FOXO3: variants seen among roughly 807,000 people sequenced by gnomAD.
FOXO3 encodes the protein forkhead box O3, also known as forkhead box protein O3.
FOXO3 carries 4 observed loss-of-function variants against 41.9 expected under a neutral mutation model. That is an observed-to-expected ratio of 0.10 (90% CI 0.05 to 0.22). FOXO3 has a LOEUF of 0.22. Among genes scored for constraint, FOXO3 ranks in the 10% least tolerant of loss-of-function variants. The pLI is 1.00. For synonymous variants in FOXO3, 318 were observed against 389.3 expected (o/e 0.82, Z 2.16); for missense variants, 534 against 906.8 (o/e 0.59, Z 5.28).
intron 2 of FOXO3, among the ~76,000 whole-genome samples, chr6:108,678,436 T>A (rs1315054802): frequency 6.6e-6 from 1 of 152,112 alleles, no homozygotes; most frequent in East Asian, 1.9e-4. Context: ...AAGAATCTTA[T>A]GTCTGGAGGT....
At chr6:108,624,377 A>C (rs1274811151) in intron 1 of FOXO3, among the ~76,000 whole-genome samples, 1 of 152,106 alleles carries the variant, frequency 6.6e-6, no homozygotes, top group East Asian at 1.9e-4. Flanking sequence ...AATCCAAGGA[A>C]GTCCAAAGAG....
In FOXO3 at chr6:108,560,944, C is replaced by G; in HGVS notation, c.-265C>G. On this transcript the variant is annotated 5_prime_UTR_variant, in exon 1 of 3. Coordinates refer to ENST00000406360, the MANE Select transcript of FOXO3 (RefSeq NM_001455.4). ...TGTCTGCTGCGCCAGGTTCGCTGGCCGCACGTCTTCAGGTCCTCCTGTTCC... is the reference window on the plus strand; with the variant it reads ...TGTCTGCTGCGCCAGGTTCGCTGGCGGCACGTCTTCAGGTCCTCCTGTTCC... The G allele has an allele frequency of 7.7e-7, 1 of 1,300,250 alleles. No individual in the cohort carries two copies. Among genetic ancestry groups the G allele is most frequent in the South Asian group, 2.3e-5 (1 of 43,670 alleles). The allele number at this position is 1,300,250 out of a possible 1,614,324, so 80.5% of individuals were successfully genotyped here. A position where few individuals can be genotyped will look rare whatever the true frequency, so the allele number is the denominator to read the frequency against.
chr6:108,560,858 G>T, upstream of FOXO3: 2 of 750,944 alleles, frequency 2.7e-6, no homozygotes, highest in Non-Finnish European at 3.7e-6. Flanking sequence ...GGGGGAGGGG[G>T]CTGCCCCGCG....
At chr6:108,617,316 A>G (rs1777541967) in intron 1 of FOXO3, among the ~76,000 whole-genome samples, 2 of 152,014 alleles carry the variant, frequency 1.3e-5, no homozygotes, top group Admixed American at 6.5e-5. Context: ...TTTCATTTTT[A>G]TGGGTCATAT....
chr6:108,644,278 C>G (rs536628079), intron 1 of FOXO3, among the ~76,000 whole-genome samples: 51 of 152,330 alleles, frequency 3.3e-4, no homozygotes, highest in African/African-American at 1.0e-3. Context: ...GTTGTGAAGA[C>G]TTACAGAGAT....
chr6:108,660,687 A>G (rs532327767), intron 1 of FOXO3, among the ~76,000 whole-genome samples: 1 of 152,210 alleles, frequency 6.6e-6, no homozygotes, highest in South Asian at 2.1e-4. Flanking sequence ...CCTGGCCAAC[A>G]TAGTGAAACC....
intron 2 of FOXO3, among the ~76,000 whole-genome samples, chr6:108,677,298 C>T (rs1229968986): frequency 1.3e-5 from 2 of 152,200 alleles, no homozygotes; most frequent in African/African-American, 4.8e-5. Flanking sequence ...GATATTAAGC[C>T]TGGGGACTGT....
chr6:108,636,055 GC>G (rs1421937450), intron 1 of FOXO3, among the ~76,000 whole-genome samples: 10 of 152,264 alleles, frequency 6.6e-5, no homozygotes, highest in Non-Finnish European at 1.2e-4. Flanking sequence ...AGCTAGGGAA[GC>G]AAGCCCTCCA....
chr6:108,645,376 T>G (rs1264731068), intron 1 of FOXO3, among the ~76,000 whole-genome samples: 1 of 152,110 alleles, frequency 6.6e-6, no homozygotes, highest in East Asian at 1.9e-4. Flanking sequence ...TAATTCCCAG[T>G]AAATGGTAAG....
chr6:108,626,293 G>C (rs747378590), intron 1 of FOXO3, among the ~76,000 whole-genome samples: 1 of 152,170 alleles, frequency 6.6e-6, no homozygotes, highest in South Asian at 2.1e-4. Flanking sequence ...ACTGACTGCC[G>C]GACTCAGAGT....
At chr6:108,600,213 C>T (rs1016244491) in intron 1 of FOXO3, among the ~76,000 whole-genome samples, 2 of 152,062 alleles carry the variant, frequency 1.3e-5, no homozygotes, top group African/African-American at 2.4e-5. Context: ...GATGTTCCAT[C>T]GATATGAGCC....
At chr6:108,652,940 A>G (rs557331317) in intron 1 of FOXO3, among the ~76,000 whole-genome samples, 1 of 152,282 alleles carries the variant, frequency 6.6e-6, no homozygotes, top group Non-Finnish European at 1.5e-5. Flanking sequence ...TGGACCTGAA[A>G]TGCCTGCTAA....
At chr6:108,578,624 GT>G (rs972322032) in intron 1 of FOXO3, among the ~76,000 whole-genome samples, 1 of 151,670 alleles carries the variant, frequency 6.6e-6, no homozygotes, top group Non-Finnish European at 1.5e-5. Flanking sequence ...TTGGATTCAT[GT>G]TTTTTTTTGT....
In FOXO3 at chr6:108,627,614, A is replaced by C. The variant is rs1201631136; in HGVS notation, c.622-35841A>C. ...GGCAGAGTACCTTGCAGAGGTGTTC[A>C]GTATTTTGGCTTCCCTGGGCCACAC... On this transcript the variant is annotated intron_variant, in intron 1 of 2. Coordinates refer to ENST00000406360, the MANE Select transcript of FOXO3 (RefSeq NM_001455.4). Among the ~76,000 whole-genome samples the C allele has an allele frequency of 3.3e-5, 5 of 152,316 alleles. No individual in the cohort carries two copies. In the Middle Eastern group the frequency reaches 0.01, roughly 311 times the overall value.
chr6:108,643,659 AGAG>A lies in FOXO3; in HGVS notation c.622-19792_622-19790del, dbSNP rs1459062089. Among the ~76,000 whole-genome samples, 13 of 152,306 alleles carry A rather than the reference AGAG, an allele frequency of 8.5e-5. No individual in the cohort carries two copies. In the East Asian group the frequency reaches 2.3e-3, roughly 27 times the overall value. The stretch of plus-strand genomic sequence containing the variant: ...ACTTTTCCTTTTTGACCAGAATGTA[AGAG>A]GAGAGTACAGATAGCAAGAATGATT... On this transcript the variant is annotated intron_variant, in intron 1 of 2. Coordinates refer to ENST00000406360, the MANE Select transcript of FOXO3 (RefSeq NM_001455.4).
intron 1 of FOXO3, among the ~76,000 whole-genome samples, chr6:108,655,655 G>T (rs1018467729): frequency 6.6e-6 from 1 of 152,182 alleles, no homozygotes; most frequent in Non-Finnish European, 1.5e-5. Context: ...AACTACTACT[G>T]AAGGGAAATT....
chr6:108,647,937 C>T (rs1443866222), intron 1 of FOXO3, among the ~76,000 whole-genome samples: 2 of 152,112 alleles, frequency 1.3e-5, no homozygotes, highest in Non-Finnish European at 2.9e-5. Context: ...GTCCATTTTC[C>T]TTCACAGAGA....
intron 1 of FOXO3, 69 bp from the exon 2 acceptor site, chr6:108,663,385 AC>A: frequency 2.0e-6 from 3 of 1,517,916 alleles, no homozygotes; most frequent in Non-Finnish European, 2.6e-6. Context: ...AGTCTGATTT[AC>A]TATATCATCT....
Position 108,561,325 on chromosome 6 carries a change from G to C in FOXO3, c.117G>C (p.Glu39Asp). 1.3e-6 allele frequency: 2 copies of C among 1,563,496 alleles called. No individual in the cohort carries two copies. Among genetic ancestry groups the C allele is most frequent in the Non-Finnish European group, 1.7e-6 (2 of 1,157,106 alleles). The change falls in exon 1 of 3, where the codon GAG becomes GAC. Residue 39 changes from glutamate to aspartate, a missense_variant. Coordinates refer to ENST00000406360, the MANE Select transcript of FOXO3 (RefSeq NM_001455.4). Reference sequence around the variant, plus strand: ...GTACGTGGCCCCTGCAAAGGCCGGAGCTCCAAGCGAGCCCTGCCAAGCCCT... The same window carrying C: ...GTACGTGGCCCCTGCAAAGGCCGGACCTCCAAGCGAGCCCTGCCAAGCCCT... ...RSCTWPLQRP[E>D]LQASPAKPSG...
Sources: allele counts gnomAD v4.1 joint callset (sites outside exome capture counted in the v4.1 genomes callset), GRCh38; gene constraint gnomAD v4.1.1; transcripts MANE v1.5; gene names NCBI Gene and HGNC (gene_info 2026-07-23, HGNC 2026-07-21).